The following CCDC178 variants were observed in gnomAD, a reference collection of about 807,000 sequenced individuals.
CCDC178 encodes coiled-coil domain-containing protein 178.
Under a neutral mutation model 117.4 loss-of-function variants are expected in CCDC178, and 126 were observed. That is an observed-to-expected ratio of 1.07 (90% confidence interval 0.93 to 1.24). The LOEUF is 1.24. Among genes scored for constraint, CCDC178 ranks in the 50% most tolerant of loss-of-function variants. CCDC178 has a pLI of 0.00. For synonymous variants in CCDC178, 283 were observed against 313.4 expected (o/e 0.90, Z 1.02); for missense variants, 1,030 against 986.9 (o/e 1.04, Z -0.59).
At chr18:32,966,518 ATGT>A (rs1019981049) in intron 22 of CCDC178, among the ~76,000 whole-genome samples, 2 of 151,888 alleles carry the variant, frequency 1.3e-5, no homozygotes, top group African/African-American at 4.8e-5. Flanking sequence ...TCTTGCATTA[ATGT>A]TGTGCTGTGT....
At chr18:33,115,611 A>G (rs2057845951) in intron 20 of CCDC178, among the ~76,000 whole-genome samples, 1 of 151,994 alleles carries the variant, frequency 6.6e-6, no homozygotes, top group Admixed American at 6.6e-5. Flanking sequence ...AGCCTTAAAA[A>G]TTTGTCTACT....
chr18:33,124,675 A>G (rs989929998), intron 20 of CCDC178, among the ~76,000 whole-genome samples: 6 of 152,210 alleles, frequency 3.9e-5, no homozygotes. Context: ...CTGAAGGATA[A>G]TACTGAAGGA....
chr18:33,294,827 T>C (rs771573006), intron 11 of CCDC178, among the ~76,000 whole-genome samples: 1 of 152,212 alleles, frequency 6.6e-6, no homozygotes, highest in African/African-American at 2.4e-5. Context: ...GCCTGAGTGA[T>C]GGACAATTGC....
chr18:33,254,061 GA>G (rs1301836950), intron 14 of CCDC178, among the ~76,000 whole-genome samples: 1 of 151,618 alleles, frequency 6.6e-6, no homozygotes, highest in Non-Finnish European at 1.5e-5. Flanking sequence ...CAATGAGAGG[GA>G]AAAAATATAA....
chr18:33,138,373 G>C (rs932549429), intron 20 of CCDC178, among the ~76,000 whole-genome samples: 30 of 152,204 alleles, frequency 2.0e-4, no homozygotes, highest in African/African-American at 6.8e-4. Context: ...ATAGCTTCCA[G>C]ATGGTCAATC....
At chr18:32,955,378 A>G (rs2054572935) in intron 22 of CCDC178, among the ~76,000 whole-genome samples, 1 of 149,916 alleles carries the variant, frequency 6.7e-6, no homozygotes, top group East Asian at 2.0e-4. Flanking sequence ...GATTTCTTTC[A>G]GGTCTAGGTC....
At chr18:33,214,919 C>G (rs903515995) in intron 19 of CCDC178, among the ~76,000 whole-genome samples, 1 of 151,822 alleles carries the variant, frequency 6.6e-6, no homozygotes, top group African/African-American at 2.4e-5. Flanking sequence ...GTGCATGTTC[C>G]TCTAATACTC....
chr18:33,081,596 T>A (rs1462018640), intron 21 of CCDC178, among the ~76,000 whole-genome samples: 1 of 152,218 alleles, frequency 6.6e-6, no homozygotes, highest in Non-Finnish European at 1.5e-5. Context: ...ATATACATCA[T>A]GCAGACAGTA....
chr18:33,337,421 TG>T (rs1351759554), intron 9 of CCDC178, among the ~76,000 whole-genome samples: 2 of 152,082 alleles, frequency 1.3e-5, no homozygotes, highest in Non-Finnish European at 2.9e-5. Context: ...CTGATTGCTC[TG>T]GCTAGGACTT....
intron 21 of CCDC178, among the ~76,000 whole-genome samples, chr18:33,071,390 C>T (rs546121359): frequency 4.6e-5 from 7 of 152,028 alleles, no homozygotes; most frequent in African/African-American, 1.4e-4. Context: ...AGGCAAAATA[C>T]GTATGTATTT....
chr18:33,418,264 A>T lies in CCDC178; in HGVS notation c.-22-6154T>A, dbSNP rs147446432. ...CATGATCATCTCAATAGATGCAGAA[A>T]AGGCTTTTGATAAGATTTAACATCC... is the stretch of plus-strand genomic sequence containing the variant. On this transcript the variant is annotated intron_variant, in intron 2 of 22. Transcript: ENST00000383096. Among the ~76,000 whole-genome samples, 336 of 152,354 alleles carry T rather than the reference A, an allele frequency of 2.2e-3. 4 individuals carry two copies. The highest frequency in any genetic ancestry group is 7.6e-3 in the African/African-American group (317 of 41,578).
At chr18:33,320,307 C>T (rs1407966082) in intron 11 of CCDC178, among the ~76,000 whole-genome samples, 1 of 152,150 alleles carries the variant, frequency 6.6e-6, no homozygotes, top group Admixed American at 6.5e-5. Context: ...CAAATTGTCC[C>T]TGTTTGCAGA....
At chr18:33,099,521 C>G (rs900993279) in intron 20 of CCDC178, among the ~76,000 whole-genome samples, 8 of 151,948 alleles carry the variant, frequency 5.3e-5, no homozygotes, top group African/African-American at 1.7e-4. Context: ...TTGTGAGTAA[C>G]TTCAAAAGCA....
At chr18:33,424,660 G>A (rs933852432) in intron 2 of CCDC178, among the ~76,000 whole-genome samples, 1 of 152,284 alleles carries the variant, frequency 6.6e-6, no homozygotes, top group South Asian at 2.1e-4. Flanking sequence ...GCCACGGCAC[G>A]GCCCAGAGGG....
chr18:33,405,756 T>C (rs576428480), intron 3 of CCDC178, among the ~76,000 whole-genome samples: 2 of 152,108 alleles, frequency 1.3e-5, no homozygotes, highest in African/African-American at 4.8e-5. Context: ...GTACAGGCAG[T>C]GAATCTTGAA....
At chr18:33,178,810 T>TG (rs2144463958) in intron 20 of CCDC178, among the ~76,000 whole-genome samples, 1 of 151,914 alleles carries the variant, frequency 6.6e-6, no homozygotes, top group African/African-American at 2.4e-5. Flanking sequence ...GTCATCTTAT[T>TG]GGTGAAACCT....
In CCDC178 at chr18:33,333,192, A is replaced by G; in HGVS notation, c.861T>C (p.His287=). The change falls in exon 10 of 23, where the codon CAT becomes CAC. Residue 287 remains histidine, a synonymous_variant. Coordinates refer to ENST00000383096, the MANE Select transcript of CCDC178 (RefSeq NM_001105528.4). The part of the protein sequence containing the change: ...QNQELQDLKN[H]YKKKMEVMDL... ...TATTTACCTCCATTTTTTTTTTATA[A>G]TGGTTCTTCAGATCTTGAAGTTCCT... 1 of 1,586,982 alleles carries G rather than the reference A, an allele frequency of 6.3e-7. No individual in the cohort carries two copies. Among genetic ancestry groups the G allele is most frequent in the Non-Finnish European group, 8.6e-7 (1 of 1,167,678 alleles).
intron 18 of CCDC178, among the ~76,000 whole-genome samples, chr18:33,221,564 A>G (rs955742878): frequency 3.9e-5 from 6 of 152,126 alleles, no homozygotes; most frequent in African/African-American, 1.2e-4. Flanking sequence ...AGTTCTGGTC[A>G]CAGTGTCCTT....
chr18:33,130,397 T>C (rs750004703), intron 20 of CCDC178, among the ~76,000 whole-genome samples: 7 of 152,188 alleles, frequency 4.6e-5, no homozygotes, highest in Non-Finnish European at 5.9e-5. Context: ...TGCTAGGCAC[T>C]GTACTAAATT....
Sources: allele counts gnomAD v4.1 joint callset (sites outside exome capture counted in the v4.1 genomes callset), GRCh38; gene constraint gnomAD v4.1.1; transcripts MANE v1.5; gene names NCBI Gene and HGNC (gene_info 2026-07-23, HGNC 2026-07-21).